The following CSNK1G1 variants were observed in gnomAD, a reference collection of about 807,000 sequenced individuals.
CSNK1G1 encodes the protein casein kinase I isoform gamma-1.
CSNK1G1 carries 22 observed loss-of-function variants against 59.6 expected under a neutral mutation model. That is an observed-to-expected ratio of 0.37 (90% CI 0.26 to 0.53). The LOEUF is 0.53. CSNK1G1 is among the 20% of genes least tolerant of loss of function. The pLI is 0.89. For synonymous variants in CSNK1G1, 179 were observed against 177.1 expected, an observed-to-expected ratio of 1.01 and a Z score of -0.08; for missense variants, 384 against 519.5, an observed-to-expected ratio of 0.74 and a Z score of 2.54.
Position 64,167,191 on chromosome 15 carries a change from G to A in CSNK1G1, c.*4740C>T, listed in dbSNP as rs1458824025. The A allele has an allele frequency of 6.6e-6, 1 of 152,122 alleles. No homozygotes were observed. The highest frequency in any genetic ancestry group is 6.5e-5 in the Admixed American group (1 of 15,274). The allele number at this position is 152,122 out of a possible 1,614,324, so 9.4% of individuals were successfully genotyped here. On this transcript the variant is annotated 3_prime_UTR_variant, in exon 12 of 12. Coordinates refer to ENST00000303052, the MANE Select transcript of CSNK1G1 (RefSeq NM_022048.5). ...AAAACATTTTTAAGACTGCTTGCTG[G>A]ACAAAAGACTTTCAAGATTCCTTAC... is the stretch of plus-strand genomic sequence containing the variant.
intron 1 of CSNK1G1, among the ~76,000 whole-genome samples, chr15:64,305,638 G>A (rs763545259): frequency 6.6e-6 from 1 of 150,458 alleles, no homozygotes; most frequent in African/African-American, 2.4e-5. Flanking sequence ...AGGATTGTTT[G>A]AGCCCAGGAG....
At chr15:64,269,068 A>C (rs939732965) in intron 2 of CSNK1G1, among the ~76,000 whole-genome samples, 2 of 137,886 alleles carry the variant, frequency 1.5e-5, no homozygotes, top group African/African-American at 5.0e-5. Flanking sequence ...CTGATTCACC[A>C]AAAAAAAAGG....
chr15:64,294,912 C>CAAAA (rs937758323), intron 2 of CSNK1G1, among the ~76,000 whole-genome samples: 3 of 51,160 alleles, frequency 5.9e-5, no homozygotes, highest in Non-Finnish European at 8.1e-5. Flanking sequence ...AACTTCGTCT[C>CAAAA]AAAAAAAAAA....
intron 10 of CSNK1G1, among the ~76,000 whole-genome samples, chr15:64,194,517 C>CTTTTTTTTT (rs374224209): frequency 2.3e-5 from 3 of 128,328 alleles, no homozygotes; most frequent in Admixed American, 8.0e-5. Context: ...CTTTTCTTTT[C>CTTTTTTTTT]TTTTTTTTTT....
intron 1 of CSNK1G1, among the ~76,000 whole-genome samples, chr15:64,307,931 C>A (rs1382339049): frequency 6.6e-6 from 1 of 152,234 alleles, no homozygotes; most frequent in South Asian, 2.1e-4. Flanking sequence ...CATGATCCAC[C>A]CGCCTCAGCC....
At chr15:64,226,296 A>G (rs2082460166) in intron 4 of CSNK1G1, among the ~76,000 whole-genome samples, 1 of 152,118 alleles carries the variant, frequency 6.6e-6, no homozygotes, top group Admixed American at 6.5e-5. Flanking sequence ...GTGGTGGCTC[A>G]CGCCTGTAAT....
At chr15:64,323,915 C>T (rs1026724936) in intron 1 of CSNK1G1, among the ~76,000 whole-genome samples, 8 of 152,158 alleles carry the variant, frequency 5.3e-5, no homozygotes, top group Non-Finnish European at 1.2e-4. Flanking sequence ...AACAACTACA[C>T]CATCTAAACC....
At position 64,204,608 on chromosome 15, in the gene CSNK1G1, A is replaced by G; in HGVS notation, c.851-19T>C. 1 of 1,611,244 alleles carries G rather than the reference A, an allele frequency of 6.2e-7. No individual in the cohort carries two copies. Among genetic ancestry groups the G allele is most frequent in the Non-Finnish European group, 8.5e-7 (1 of 1,179,164 alleles). On this transcript the variant is annotated intron_variant, in intron 8 of 11. Coordinates refer to ENST00000303052, the MANE Select transcript of CSNK1G1 (RefSeq NM_022048.5). ...ATCTCCTCTGTTAGGAAAGAGATGA[A>G]AGGCCCTGCTCATTAGCTGAATGCT...
At chr15:64,204,715 A>G in intron 8 of CSNK1G1, 126 bp from the exon 9 acceptor site, 1 of 1,245,928 alleles carries the variant, frequency 8.0e-7, no homozygotes. Flanking sequence ...TTCTTTACTG[A>G]CAAAATAAAA....
At chr15:64,267,734 C>T (rs1338205326) in intron 2 of CSNK1G1, among the ~76,000 whole-genome samples, 2 of 152,070 alleles carry the variant, frequency 1.3e-5, no homozygotes, top group Non-Finnish European at 2.9e-5. Context: ...TTATGGAAAA[C>T]AATATGAAGA....
rs146194225 is a variant in CSNK1G1, at chr15:64,289,000, C to T, written c.181+11319G>A. Among the ~76,000 whole-genome samples, 1,051 of 151,956 alleles carry T rather than the reference C, an allele frequency of 6.9e-3. 17 individuals carry two copies. Among genetic ancestry groups the T allele is most frequent in the African/African-American group, 0.024 (1,007 of 41,420 alleles). ...GACCAGCCTGACCAACATGGCGAAA[C>T]CCCATCTCCACTAAAAATACAAAAA... On this transcript the variant is annotated intron_variant, in intron 2 of 11. Coordinates refer to ENST00000303052, the MANE Select transcript of CSNK1G1 (RefSeq NM_022048.5).
At chr15:64,212,978 C>T (rs1483529989) in intron 6 of CSNK1G1, among the ~76,000 whole-genome samples, 1 of 152,080 alleles carries the variant, frequency 6.6e-6, no homozygotes, top group East Asian at 1.9e-4. Flanking sequence ...TGCACTCCAG[C>T]CTGGGTGATA....
At chr15:64,189,260 C>T (rs979196593) in intron 10 of CSNK1G1, 1 of 835,476 alleles carries the variant, frequency 1.2e-6, no homozygotes, top group Non-Finnish European at 1.5e-6. Flanking sequence ...TTCTGGAAAG[C>T]AAAAGGAGGG....
rs1168418449 is a variant in CSNK1G1 at position 64,338,714 on chromosome 15, A to AC, written c.-225+17273_-225+17274insG. Among the ~76,000 whole-genome samples, 25 of 137,084 alleles carry AC rather than the reference A, an allele frequency of 1.8e-4. No homozygotes were observed. In the East Asian group the frequency reaches 3.6e-3, roughly 20 times the overall value. The allele number at this position is 137,084 out of a possible 152,430, so 89.9% of individuals were successfully genotyped here. On this transcript the variant is annotated intron_variant, in intron 1 of 11. Transcript: ENST00000303052. Reference sequence around the variant, plus strand: ...AAACTCGGTCTCAAAAAAAAAAAAAAAAAAAAAAAAAAAACACTTCTGGCC... The same window carrying AC: ...AAACTCGGTCTCAAAAAAAAAAAAAACAAAAAAAAAAAAAACACTTCTGGCC...
chr15:64,193,554 A>G (rs979919735), intron 10 of CSNK1G1, among the ~76,000 whole-genome samples: 12 of 152,016 alleles, frequency 7.9e-5, no homozygotes, highest in Non-Finnish European at 1.8e-4. Context: ...CTCATGAAAC[A>G]TAACCAGTTT....
chr15:64,166,199 C>T lies in CSNK1G1; in HGVS notation c.*5732G>A. On this transcript the variant is annotated 3_prime_UTR_variant, in exon 12 of 12. Transcript: ENST00000303052. The surrounding 1 kb of genome is among the most constrained non-coding windows in gnomAD (Gnocchi z 4.5). ...CTAGTTGTTTAAAAATCGCAATCAA[C>T]ATCCCAACATCTTTTTAAGAGTACA... 6.6e-6 allele frequency: 3 copies of T among 452,036 alleles called. No individual in the cohort carries two copies. Among genetic ancestry groups the T allele is most frequent in the Non-Finnish European group, 1.2e-5 (3 of 256,768 alleles). The allele number at this position is 452,036 out of a possible 1,614,324, so 28.0% of individuals were successfully genotyped here.
intron 4 of CSNK1G1, among the ~76,000 whole-genome samples, chr15:64,226,447 T>A (rs2082462936): frequency 6.6e-6 from 1 of 151,946 alleles, no homozygotes; most frequent in African/African-American, 2.4e-5. Context: ...AGTCCCAGAC[T>A]AGGGAGGCTG....
intron 2 of CSNK1G1, among the ~76,000 whole-genome samples, chr15:64,272,251 T>G (rs1893354145): frequency 6.6e-6 from 1 of 152,000 alleles, no homozygotes; most frequent in Admixed American, 6.6e-5. Context: ...AGTCTTGCTC[T>G]GTCGCCCAGG....
At chr15:64,198,448 C>T (rs933900836) in intron 10 of CSNK1G1, among the ~76,000 whole-genome samples, 4 of 151,752 alleles carry the variant, frequency 2.6e-5, no homozygotes, top group African/African-American at 7.3e-5. Context: ...TCAAGTTATC[C>T]ACCCGCCTCA....
Sources: gnomAD v4.1 joint callset for allele counts (sites outside exome capture counted in the v4.1 genomes callset) on GRCh38, gnomAD v4.1.1 for gene constraint, Gnocchi (gnomAD v3.1) non-coding constraint, MANE v1.5 for transcripts, NCBI Gene and HGNC (gene_info 2026-07-23, HGNC 2026-07-21) for gene names.